EFR3B: variants seen among roughly 807,000 people sequenced by gnomAD.
The protein encoded by EFR3B is protein EFR3 homolog B.
In EFR3B, 64 loss-of-function variants were observed where a neutral mutation model predicts 104.7. That is an observed-to-expected ratio of 0.61 (90% CI 0.50 to 0.75). EFR3B has a LOEUF of 0.75. EFR3B is among the 30% of genes least tolerant of loss of function. The probability of loss-of-function intolerance (pLI) is 0.00; values close to 1 mark genes in which losing one functional copy is unlikely to be tolerated. For missense variants in EFR3B, 750 were observed against 1,078.5 expected, an observed-to-expected ratio of 0.70 and a Z score of 4.27; for synonymous variants, 385 against 417.9, an observed-to-expected ratio of 0.92 and a Z score of 0.96.
chr2:25,067,029 T>TA (rs1161094809), intron 1 of EFR3B, among the ~76,000 whole-genome samples: 5 of 152,226 alleles, frequency 3.3e-5, no homozygotes, highest in African/African-American at 1.2e-4. Context: ...ACATGAGTAA[T>TA]ACTTCTGCAA....
chr2:25,079,813 C>G (rs1466934132), intron 1 of EFR3B: 1 of 720,030 alleles, frequency 1.4e-6, no homozygotes, highest in Non-Finnish European at 2.5e-6. Flanking sequence ...ACAACCTCCA[C>G]ACACCAAAAA....
chr2:25,137,287 C>G lies in EFR3B; in HGVS notation c.1561-54C>G. On this transcript the variant is annotated intron_variant, in intron 14 of 22. Coordinates refer to ENST00000403714, the MANE Select transcript of EFR3B (RefSeq NM_014971.2). This position sits in a 1 kb window ranked among gnomAD's most constrained non-coding sequence, Gnocchi z 4.7. ...TTGGTCTTCCTCCGTGTTCTCCTTG[C>G]CCCTCCTGTCCCCATCCCTCCGACC... 1 of 1,540,018 alleles carries G rather than the reference C, an allele frequency of 6.5e-7. No homozygotes were observed. The highest frequency in any genetic ancestry group is 8.8e-7 in the Non-Finnish European group (1 of 1,139,274).
intron 19 of EFR3B, chr2:25,147,915 G>A (rs531669304): frequency 1.3e-5 from 2 of 151,858 alleles, no homozygotes; most frequent in South Asian, 2.1e-4. Flanking sequence ...CAGCTACTGG[G>A]GAGGCTGAGG....
chr2:25,138,925 T>C, intron 15 of EFR3B, 134 bp from the exon 16 acceptor site: 5 of 1,309,006 alleles, frequency 3.8e-6, no homozygotes, highest in Non-Finnish European at 5.2e-6. Context: ...AAGGTTTGGG[T>C]CAAATGCTGA....
At position 25,137,958 on chromosome 2, in the gene EFR3B, G is replaced by T. The variant is rs944625993; in HGVS notation, c.1722+456G>T. ...AGGCCGAGGTGGGTGGACCACTTGAGGTCAGGAGTTCAAGACCAGCCTGGC... is the reference window on the plus strand; with the variant it reads ...AGGCCGAGGTGGGTGGACCACTTGATGTCAGGAGTTCAAGACCAGCCTGGC... On this transcript the variant is annotated intron_variant, in intron 15 of 22. Coordinates refer to ENST00000403714, the MANE Select transcript of EFR3B (RefSeq NM_014971.2). This position sits in a 1 kb window ranked among gnomAD's most constrained non-coding sequence, Gnocchi z 4.7. 2.0e-5 allele frequency among the ~76,000 whole-genome samples: 3 copies of T among 152,062 alleles called. No individual in the cohort carries two copies. The highest frequency in any genetic ancestry group is 2.0e-4 in the Admixed American group (3 of 15,264).
intron 3 of EFR3B, 125 bp downstream of exon 3, chr2:25,093,255 G>A: frequency 7.6e-7 from 1 of 1,315,974 alleles, no homozygotes; most frequent in Non-Finnish European, 1.0e-6. Context: ...AGCGCTTTGG[G>A]AGGTCAAGGT....
At chr2:25,088,399 G>A (rs1479730437) in intron 1 of EFR3B, among the ~76,000 whole-genome samples, 3 of 152,244 alleles carry the variant, frequency 2.0e-5, no homozygotes, top group Middle Eastern at 3.4e-3. Flanking sequence ...ATCGGATGGA[G>A]TCTGTGTTCT....
At chr2:25,124,237 C>T (rs1670098924) in intron 5 of EFR3B, among the ~76,000 whole-genome samples, 1 of 151,206 alleles carries the variant, frequency 6.6e-6, no homozygotes, top group South Asian at 2.1e-4. Context: ...CTGCCCTTTC[C>T]AGTAACACCC....
chr2:25,063,672 C>T (rs1408831308), intron 1 of EFR3B, among the ~76,000 whole-genome samples: 1 of 152,136 alleles, frequency 6.6e-6, no homozygotes, highest in Non-Finnish European at 1.5e-5. Context: ...ACCTCCTAAC[C>T]GATTGTGAGA....
intron 19 of EFR3B, 52 bp downstream of exon 19, chr2:25,145,103 C>T (rs754426199): frequency 4.1e-5 from 62 of 1,494,674 alleles, no homozygotes; most frequent in South Asian, 3.0e-4. Flanking sequence ...GTAGATTGGA[C>T]GCTGGACTCC....
intron 4 of EFR3B, among the ~76,000 whole-genome samples, chr2:25,116,576 AT>A (rs1228256660): frequency 1.3e-5 from 2 of 152,040 alleles, no homozygotes; most frequent in Admixed American, 1.3e-4. Context: ...GCAAACCAAG[AT>A]GGCGCCACTG....
At chr2:25,058,083 GGGATGATCACT>G (rs1558583914) in intron 1 of EFR3B, 1 of 152,076 alleles carries the variant, frequency 6.6e-6, no homozygotes, top group East Asian at 1.9e-4. Flanking sequence ...ATGCTGAGGC[GGGATGATCACT>G]GGAGCCCAGG....
At chr2:25,106,456 A>ATTTT (rs35899048) in intron 4 of EFR3B, among the ~76,000 whole-genome samples, 2 of 129,724 alleles carry the variant, frequency 1.5e-5, no homozygotes, top group Non-Finnish European at 1.6e-5. Flanking sequence ...TGCCCAGCTA[A>ATTTT]TTTTTTTTTT....
Position 25,145,033 on chromosome 2 carries a change from C to T in EFR3B, c.2124C>T (p.Asn708=), listed in dbSNP as rs377373467. The T allele has an allele frequency of 2.6e-6, 4 of 1,551,768 alleles. No individual in the cohort carries two copies. Among genetic ancestry groups the T allele is most frequent in the Non-Finnish European group, 8.7e-7 (1 of 1,146,998 alleles). ...TGCAGGTGGAGGTAGAATCGAGGAA[C>T]AGTCCGGAGAAGGAGGAGGTGAGTG... ...ISLQVEVESR[N]SPEKEERVPA... Residue 708 remains asparagine, a synonymous_variant, in exon 19 of 23, where the codon AAC becomes AAT. Transcript: ENST00000403714.
chr2:25,151,514 C>T (rs768421918), intron 20 of EFR3B, among the ~76,000 whole-genome samples: 1 of 152,108 alleles, frequency 6.6e-6, no homozygotes. Context: ...CCTCGGCCTC[C>T]CAAAATGCTG....
At chr2:25,061,127 AT>A (rs759449745) in intron 1 of EFR3B, among the ~76,000 whole-genome samples, 13,902 of 141,446 alleles carry the variant, frequency 0.098, 1,167 homozygotes, top group African/African-American at 0.24. Context: ...TTGGAGGTTG[AT>A]TTTTTTTTTT....
intron 19 of EFR3B, chr2:25,145,419 G>A: frequency 2.9e-6 from 1 of 339,144 alleles, no homozygotes; most frequent in Non-Finnish European, 5.3e-6. Flanking sequence ...AAAAATAATT[G>A]AAAAATCAGC....
Position 25,137,623 on chromosome 2 carries a change from T to C in EFR3B, c.1722+121T>C. 1 of 1,418,000 alleles carries C rather than the reference T, an allele frequency of 7.1e-7. No individual in the cohort carries two copies. 87.8% of individuals were successfully genotyped at this position (1,418,000 alleles called of 1,614,324 possible). A position where few individuals can be genotyped will look rare whatever the true frequency, so the allele number is the denominator to read the frequency against. ...ACACTGTTTTGGAGCCCAGGAATAT[T>C]GTACTCGTGGTTGGCCACGCCTCCC... is the stretch of plus-strand genomic sequence containing the variant. On this transcript the variant is annotated intron_variant, in intron 15 of 22. Transcript: ENST00000403714. The surrounding 1 kb of genome is among the most constrained non-coding windows in gnomAD (Gnocchi z 4.7).
In EFR3B at chr2:25,042,544, G is replaced by C; in HGVS notation, c.7+225G>C. ...TCCTCTCCAGGCCCGGCGCGTGCCGGTGCTGGGCGGTGGTCCTTCGGGGGG... is the reference window on the plus strand; with the variant it reads ...TCCTCTCCAGGCCCGGCGCGTGCCGCTGCTGGGCGGTGGTCCTTCGGGGGG... On this transcript the variant is annotated intron_variant, in intron 1 of 22. Coordinates refer to ENST00000403714, the MANE Select transcript of EFR3B (RefSeq NM_014971.2). This position sits in a 1 kb window ranked among gnomAD's most constrained non-coding sequence, Gnocchi z 5.4. 3.3e-6 allele frequency: 4 copies of C among 1,206,366 alleles called. No homozygotes were observed. The highest frequency in any genetic ancestry group is 4.3e-5 in the South Asian group (1 of 23,288). The allele number at this position is 1,206,366 out of a possible 1,614,324, so 74.7% of individuals were successfully genotyped here.
Sources: gnomAD v4.1 joint callset for allele counts (sites outside exome capture counted in the v4.1 genomes callset) on GRCh38, gnomAD v4.1.1 for gene constraint, Gnocchi (gnomAD v3.1) non-coding constraint, MANE v1.5 for transcripts, NCBI Gene and HGNC (gene_info 2026-07-23, HGNC 2026-07-21) for gene names.